ASB5: variants seen among roughly 807,000 people sequenced by gnomAD.
ASB5 encodes ankyrin repeat and SOCS box containing 5.
ASB5 carries 45 observed loss-of-function variants against 42.1 expected under a neutral mutation model. The observed-to-expected ratio is 1.07, with a 90% confidence interval of 0.84 to 1.37. ASB5 has a LOEUF of 1.37. ASB5 is among the 40% of genes most tolerant of loss of function. The pLI, the probability that ASB5 is intolerant of heterozygous loss-of-function variation, is 0.00. For missense variants in ASB5, 402 were observed against 399.8 expected (o/e 1.01, Z -0.05); for synonymous variants, 147 against 150.6 (o/e 0.98, Z 0.18).
At chr4:176,231,795 T>C (rs1283575727) in intron 1 of ASB5, among the ~76,000 whole-genome samples, 1 of 152,022 alleles carries the variant, frequency 6.6e-6, no homozygotes, top group East Asian at 1.9e-4. Flanking sequence ...CAGTGAGCTG[T>C]GTTCCCAATA....
intron 1 of ASB5, among the ~76,000 whole-genome samples, chr4:176,245,139 T>A (rs1477967794): frequency 6.6e-6 from 1 of 151,532 alleles, no homozygotes; most frequent in Non-Finnish European, 1.5e-5. Context: ...CACAAAGAAA[T>A]CCCCCATATT....
chr4:176,238,381 G>A (rs530652888), intron 1 of ASB5, among the ~76,000 whole-genome samples: 20 of 152,200 alleles, frequency 1.3e-4, no homozygotes, highest in African/African-American at 4.3e-4. Context: ...ATCAAAAGAC[G>A]TCAGCAGTCA....
rs770575247 is a variant in ASB5, at chr4:176,221,466, A to T, written c.519T>A (p.His173Gln). 1.2e-6 allele frequency: 2 copies of T among 1,613,150 alleles called. No individual in the cohort carries two copies. Among genetic ancestry groups the T allele is most frequent in the African/African-American group, 2.7e-5 (2 of 74,882 alleles). Reference protein sequence around the residue: ...QLESCLPSPTHEAASKGHHEC... With the variant: ...QLESCLPSPTQEAASKGHHEC... ...CTAAGTTACCTTTACTGGCGGCCTCATGCGTTGGGGATGGAAGACATGACT... is the reference window on the plus strand; with the variant it reads ...CTAAGTTACCTTTACTGGCGGCCTCTTGCGTTGGGGATGGAAGACATGACT... The change falls in exon 4 of 7, where the codon CAT becomes CAA. Residue 173 changes from histidine (H) to glutamine (Q), a missense_variant. Physicochemically the swap from His to Gln is conservative, Grantham distance 24 (BLOSUM62 0). Coordinates refer to ENST00000296525, the MANE Select transcript of ASB5 (RefSeq NM_080874.4).
In ASB5 at chr4:176,261,367, T is replaced by A. The variant is rs142117026; in HGVS notation, c.196+7546A>T. On this transcript the variant is annotated intron_variant, in intron 1 of 6. Coordinates refer to ENST00000296525, the MANE Select transcript of ASB5 (RefSeq NM_080874.4). ...TTCCGTCATTAGCTAGCGACCCTTTTTCATATGCTGAATCCTGTAAAGGTA... is the reference window on the plus strand; with the variant it reads ...TTCCGTCATTAGCTAGCGACCCTTTATCATATGCTGAATCCTGTAAAGGTA... 1.4e-3 allele frequency among the ~76,000 whole-genome samples: 216 copies of A among 152,352 alleles called. 1 individual carries two copies. Among genetic ancestry groups the A allele is most frequent in the African/African-American group, 5.1e-3 (210 of 41,582 alleles).
At chr4:176,234,548 C>A (rs1382863852) in intron 1 of ASB5, among the ~76,000 whole-genome samples, 2 of 152,306 alleles carry the variant, frequency 1.3e-5, no homozygotes, top group Middle Eastern at 3.4e-3. Context: ...GCACTTATTA[C>A]TAGAATGCTA....
chr4:176,275,010 G>C (rs1233292979), intron 2 of ASB5, among the ~76,000 whole-genome samples: 2 of 149,836 alleles, frequency 1.3e-5, no homozygotes, highest in East Asian at 2.0e-4. Context: ...CATCTCCCAG[G>C]TTCAAGCGAT....
rs145043214 is a variant in ASB5, at chr4:176,221,288, A to G, written c.537T>C (p.Gly179=). The G allele has an allele frequency of 8.1e-6, 13 of 1,613,716 alleles. No homozygotes were observed. In the African/African-American group the frequency reaches 1.6e-4, roughly 20 times the overall value. The change falls in exon 5 of 7, where the codon GGT becomes GGC. Residue 179 remains glycine (G), a splice_region_variant and synonymous_variant. Transcript: ENST00000296525. The stretch of plus-strand genomic sequence containing the variant: ...TCAGGATGTCAAGACATTCATGGTG[A>G]CCTGCCAACACAAAGTAGAGGAGTT... ...PSPTHEAASK[G]HHECLDILIS...
intron 1 of ASB5, among the ~76,000 whole-genome samples, chr4:176,234,495 C>A (rs544520942): frequency 1.3e-5 from 2 of 152,332 alleles, no homozygotes; most frequent in African/African-American, 4.8e-5. Flanking sequence ...CCTTCCCCAA[C>A]ATTCATGCTT....
At chr4:176,217,550 T>C (rs193292875) in intron 5 of ASB5, among the ~76,000 whole-genome samples, 117 of 152,248 alleles carry the variant, frequency 7.7e-4, no homozygotes, top group Middle Eastern at 6.8e-3. Flanking sequence ...CTCACTTATG[T>C]AGTTTAAGTC....
Position 176,221,470 on chromosome 4 carries a change from G to A in ASB5, c.515C>T (p.Thr172Met), listed in dbSNP as rs545829322. ...AQLESCLPSP[T>M]HEAASKGHHE... ...GTTACCTTTACTGGCGGCCTCATGC[G>A]TTGGGGATGGAAGACATGACTCCAG... is the stretch of plus-strand genomic sequence containing the variant. The change falls in exon 4 of 7, where the codon ACG (threonine) becomes ATG (methionine). Residue 172 changes from threonine to methionine, a missense_variant. Coordinates refer to ENST00000296525, the MANE Select transcript of ASB5 (RefSeq NM_080874.4). 1.7e-5 allele frequency: 27 copies of A among 1,613,700 alleles called. No individual in the cohort carries two copies. The East Asian group carries it at 1.8e-4, about 11-fold the overall frequency.
intron 1 of ASB5, among the ~76,000 whole-genome samples, chr4:176,247,295 A>T (rs1015315878): frequency 2.0e-5 from 3 of 152,212 alleles, no homozygotes; most frequent in African/African-American, 7.2e-5. Flanking sequence ...GGTTCAATGA[A>T]TTCCAACAAA....
intron 6 of ASB5, 112 bp from the exon 7 acceptor site, chr4:176,215,839 A>T (rs1346149034): frequency 9.7e-7 from 1 of 1,026,086 alleles, no homozygotes; most frequent in Non-Finnish European, 1.4e-6. Context: ...TAAACCTAGG[A>T]TAGCATGACC....
intron 2 of ASB5, 121 bp from the exon 3 acceptor site, chr4:176,222,541 C>G (rs1038583975): frequency 2.2e-6 from 2 of 912,312 alleles, no homozygotes; most frequent in Non-Finnish European, 3.4e-6. Flanking sequence ...AAACGAGTTT[C>G]CAGTTTAGCA....
chr4:176,239,992 G>A (rs191026547), intron 1 of ASB5, among the ~76,000 whole-genome samples: 264 of 152,302 alleles, frequency 1.7e-3, no homozygotes, highest in African/African-American at 5.9e-3. Context: ...TGTACGTTCT[G>A]TGTGCTCAGC....
At chr4:176,252,341 C>A (rs77428738) in intron 1 of ASB5, among the ~76,000 whole-genome samples, 1 of 152,146 alleles carries the variant, frequency 6.6e-6, no homozygotes. Context: ...CACATGCACC[C>A]GCAACATTCA....
chr4:176,222,878 T>C (rs6814238), intron 2 of ASB5, among the ~76,000 whole-genome samples: 137,824 of 152,010 alleles, frequency 0.91, 62,721 homozygotes, highest in Non-Finnish European at 0.95. Flanking sequence ...CCCGGGTTCA[T>C]GCCATTCTCC....
At chr4:176,258,092 G>T (rs930100931) in intron 1 of ASB5, among the ~76,000 whole-genome samples, 21 of 152,136 alleles carry the variant, frequency 1.4e-4, no homozygotes, top group African/African-American at 4.8e-4. Context: ...TAAATTATAG[G>T]CAATTCTATC....
At chr4:176,219,335 AAT>A (rs1219539884) in intron 5 of ASB5, among the ~76,000 whole-genome samples, 155 of 73,988 alleles carry the variant, frequency 2.1e-3, no homozygotes, top group African/African-American at 8.1e-3. Flanking sequence ...ATGATATATA[AAT>A]ATATATATTT....
chr4:176,245,528 G>A (rs1027260251), intron 1 of ASB5, among the ~76,000 whole-genome samples: 6 of 152,060 alleles, frequency 3.9e-5, no homozygotes, highest in African/African-American at 9.7e-5. Flanking sequence ...ACCATTTGAC[G>A]CAGCCATCTC....
Sources: gnomAD v4.1 joint callset for allele counts (sites outside exome capture counted in the v4.1 genomes callset) on GRCh38, gnomAD v4.1.1 for gene constraint, MANE v1.5 for transcripts, NCBI Gene and HGNC (gene_info 2026-07-23, HGNC 2026-07-21) for gene names.